Variants in STAT4 observed in about 807,000 individuals in gnomAD.
STAT4 encodes signal transducer and activator of transcription 4.
Under a neutral mutation model 110.5 loss-of-function variants are expected in STAT4, and 42 were observed. The observed-to-expected ratio is 0.38, with a 90% confidence interval of 0.30 to 0.49. The LOEUF (loss-of-function observed/expected upper bound fraction) is 0.49, where lower values mean the gene tolerates loss of function less well. Ranked by LOEUF, STAT4 falls within the 20% of genes least tolerant of loss-of-function variation. The pLI is 0.95. For synonymous variants in STAT4, 284 were observed against 302.2 expected, an observed-to-expected ratio of 0.94 and a Z score of 0.63; for missense variants, 632 against 887.9, an observed-to-expected ratio of 0.71 and a Z score of 3.66.
At chr2:191,070,358 T>C (rs972923991) in intron 5 of STAT4, among the ~76,000 whole-genome samples, 5 of 152,172 alleles carry the variant, frequency 3.3e-5, no homozygotes, top group African/African-American at 1.2e-4. Flanking sequence ...GGCTAAAGGC[T>C]TTTTTATATT....
In STAT4 at chr2:191,140,826, A is replaced by C. The variant is rs990602869; in HGVS notation, c.273+5787T>G. ...AGTACAATTCACAATTGCAAAGATA[A>C]GGAACCAACCTAAGTGTCCATCAAC... On this transcript the variant is annotated intron_variant, in intron 3 of 23. Coordinates refer to ENST00000392320, the MANE Select transcript of STAT4 (RefSeq NM_003151.4). The surrounding 1 kb of genome is among the most constrained non-coding windows in gnomAD (Gnocchi z 4.4). 2.0e-5 allele frequency among the ~76,000 whole-genome samples: 3 copies of C among 152,338 alleles called. No individual in the cohort carries two copies. Among genetic ancestry groups the C allele is most frequent in the African/African-American group, 7.2e-5 (3 of 41,590 alleles).
rs1407487217 is a variant in STAT4 at position 191,087,020 on chromosome 2, T to A, written c.274-10695A>T. On this transcript the variant is annotated intron_variant, in intron 3 of 23. Coordinates refer to ENST00000392320, the MANE Select transcript of STAT4 (RefSeq NM_003151.4). ...TATAGAGACTGATTGCTCTTGACATTCACCTTTGTTTTTCTTATGTTTCTA... is the reference window on the plus strand; with the variant it reads ...TATAGAGACTGATTGCTCTTGACATACACCTTTGTTTTTCTTATGTTTCTA... Among the ~76,000 whole-genome samples, 4 of 152,110 alleles carry A rather than the reference T, an allele frequency of 2.6e-5. 1 individual carries two copies. The highest frequency in any genetic ancestry group is 7.2e-5 in the African/African-American group (3 of 41,408).
At position 191,051,723 on chromosome 2, in the gene STAT4, CT is replaced by C. The variant is rs1250895305; in HGVS notation, c.1251+2766del. On this transcript the variant is annotated intron_variant, in intron 14 of 23. Transcript: ENST00000392320. The surrounding 1 kb of genome is among the most constrained non-coding windows in gnomAD (Gnocchi z 5.6). ...GCAGTAGGAGTGCCAACCAGCTCGCCTCTCCCAGGGAAGGTTCTGCGACCCA... is the reference window on the plus strand; with the variant it reads ...GCAGTAGGAGTGCCAACCAGCTCGCCCTCCCAGGGAAGGTTCTGCGACCCA... Among the ~76,000 whole-genome samples, 1 of 152,152 alleles carries C rather than the reference CT, an allele frequency of 6.6e-6. No individual in the cohort carries two copies. The highest frequency in any genetic ancestry group is 1.9e-4 in the East Asian group (1 of 5,196).
intron 1 of STAT4, among the ~76,000 whole-genome samples, chr2:191,149,062 A>G (rs769446305): frequency 6.6e-6 from 1 of 152,218 alleles, no homozygotes; most frequent in Non-Finnish European, 1.5e-5. Flanking sequence ...TTCCTAACTC[A>G]GGAAAATTAG....
chr2:191,060,501 C>T lies in STAT4; in HGVS notation c.1034+1228G>A, dbSNP rs191664434. On this transcript the variant is annotated intron_variant, in intron 10 of 23. Transcript: ENST00000392320. This position sits in a 1 kb window ranked among gnomAD's most constrained non-coding sequence, Gnocchi z 4.5. Reference sequence around the variant, plus strand: ...TGGCGTGAGTGCAGTGTACTGCAACCTCTACCTACTGGGTTCAAGCGATTC... The same window carrying T: ...TGGCGTGAGTGCAGTGTACTGCAACTTCTACCTACTGGGTTCAAGCGATTC... Among the ~76,000 whole-genome samples, 2 of 152,338 alleles carry T rather than the reference C, an allele frequency of 1.3e-5. No homozygotes were observed. The highest frequency in any genetic ancestry group is 1.5e-5 in the Non-Finnish European group (1 of 68,026).
intron 1 of STAT4, among the ~76,000 whole-genome samples, chr2:191,149,924 G>C (rs550195358): frequency 1.6e-4 from 24 of 152,196 alleles, no homozygotes; most frequent in Non-Finnish European, 3.1e-4. Context: ...ATAAGTTCTA[G>C]TGCTGTAACA....
rs1431693151 is a variant in STAT4, at chr2:191,090,449, G to T, written c.274-14124C>A. On this transcript the variant is annotated intron_variant, in intron 3 of 23. Coordinates refer to ENST00000392320, the MANE Select transcript of STAT4 (RefSeq NM_003151.4). This position sits in a 1 kb window ranked among gnomAD's most constrained non-coding sequence, Gnocchi z 4.2. ...CTGTTGATGGATCTAAATTAACAATGCTCTGTTATTATTTATAATAATAAT... is the reference window on the plus strand; with the variant it reads ...CTGTTGATGGATCTAAATTAACAATTCTCTGTTATTATTTATAATAATAAT... 6.8e-6 allele frequency among the ~76,000 whole-genome samples: 1 copy of T among 146,818 alleles called. No individual in the cohort carries two copies. The highest frequency in any genetic ancestry group is 2.5e-5 in the African/African-American group (1 of 40,672).
At chr2:191,089,470 A>T (rs1697734006) in intron 3 of STAT4, among the ~76,000 whole-genome samples, 1 of 152,232 alleles carries the variant, frequency 6.6e-6, no homozygotes. Flanking sequence ...AGTGAAAAAT[A>T]ATACAGCCAT....
rs147156690 is a variant in STAT4 at position 191,043,257 on chromosome 2, G to A, written c.1252-2109C>T. Among the ~76,000 whole-genome samples, 421 of 151,854 alleles carry A rather than the reference G, an allele frequency of 2.8e-3. 7 individuals are homozygous for A. Among genetic ancestry groups the A allele is most frequent in the Admixed American group, 0.023 (354 of 15,252 alleles). ...AAATAGACAAGTCAGTAAAAAGATT[G>A]GACATAAAGTAGAGGAAATTTCCCA... On this transcript the variant is annotated intron_variant, in intron 14 of 23. Transcript: ENST00000392320. The surrounding 1 kb of genome is among the most constrained non-coding windows in gnomAD (Gnocchi z 4.8).
chr2:191,137,057 A>G (rs1699199759), intron 3 of STAT4, among the ~76,000 whole-genome samples: 1 of 152,096 alleles, frequency 6.6e-6, no homozygotes, highest in Non-Finnish European at 1.5e-5. Flanking sequence ...AAAATTGAAG[A>G]GGGCCAGGTG....
chr2:191,056,783 T>A (rs1021085631), intron 13 of STAT4, among the ~76,000 whole-genome samples: 122 of 146,748 alleles, frequency 8.3e-4, no homozygotes, highest in African/African-American at 2.9e-3. Context: ...TACACTATTT[T>A]TTTTTTTTTT....
chr2:191,075,907 A>C lies in STAT4; in HGVS notation c.372+320T>G, dbSNP rs555871289. The C allele has an allele frequency of 2.6e-5, 5 of 193,606 alleles. No homozygotes were observed. In the Admixed American group the frequency reaches 3.1e-4, roughly 12 times the overall value. The allele number at this position is 193,606 out of a possible 1,614,324, so 12.0% of individuals were successfully genotyped here. ...CTTTCTGTCACCCAGGTTGGAGTAC[A>C]TGGTGTGAACATAGCTCACTGCAAC... On this transcript the variant is annotated intron_variant, in intron 4 of 23. Transcript: ENST00000392320.
chr2:191,030,000 A>G lies in STAT4; in HGVS notation c.2221-134T>C. On this transcript the variant is annotated intron_variant, in intron 23 of 23. Coordinates refer to ENST00000392320, the MANE Select transcript of STAT4 (RefSeq NM_003151.4). The surrounding 1 kb of genome is among the most constrained non-coding windows in gnomAD (Gnocchi z 4.5). ...TTCTATTACCTAGTTAAAATACTTA[A>G]ACTAAGTATTTGCAAAAGTAATTGG... is the stretch of plus-strand genomic sequence containing the variant. The G allele has an allele frequency of 2.8e-6, 2 of 711,186 alleles. No individual in the cohort carries two copies. The highest frequency in any genetic ancestry group is 4.7e-6 in the Non-Finnish European group (2 of 423,808). 44.1% of individuals were successfully genotyped at this position (711,186 alleles called of 1,614,324 possible).
Position 191,064,886 on chromosome 2 carries a change from G to A in STAT4, c.703C>T (p.Leu235=), listed in dbSNP as rs1316240376. ...LLMNTMLIEE[L]QDWKRRQQIA... Reference sequence around the variant, plus strand: ...TGCTGCCGCCGCTTCCAGTCTTGCAGCTCTTCTATGAGCATGGTGTTCATT... The same window carrying A: ...TGCTGCCGCCGCTTCCAGTCTTGCAACTCTTCTATGAGCATGGTGTTCATT... Residue 235 remains leucine, a synonymous_variant, in exon 8 of 24, where the codon CTG becomes TTG. Coordinates refer to ENST00000392320, the MANE Select transcript of STAT4 (RefSeq NM_003151.4). 4.3e-6 allele frequency: 7 copies of A among 1,613,226 alleles called. No individual in the cohort carries two copies. The highest frequency in any genetic ancestry group is 1.7e-5 in the Admixed American group (1 of 59,908).
At chr2:191,127,350 T>C (rs1324382015) in intron 3 of STAT4, among the ~76,000 whole-genome samples, 2 of 152,236 alleles carry the variant, frequency 1.3e-5, no homozygotes, top group African/African-American at 2.4e-5. Context: ...CATGTTGTCA[T>C]GTTCTTGCTC....
At chr2:191,136,402 G>A (rs1353804373) in intron 3 of STAT4, among the ~76,000 whole-genome samples, 1 of 152,202 alleles carries the variant, frequency 6.6e-6, no homozygotes, top group Non-Finnish European at 1.5e-5. Flanking sequence ...CATAGCCAGA[G>A]CTATTAAGCC....
intron 3 of STAT4, among the ~76,000 whole-genome samples, chr2:191,100,784 T>G (rs1698130525): frequency 6.6e-6 from 1 of 151,150 alleles, no homozygotes; most frequent in Admixed American, 6.6e-5. Flanking sequence ...CATATAAATT[T>G]TTATATTCAT....
intron 3 of STAT4, among the ~76,000 whole-genome samples, chr2:191,106,999 T>C (rs1698301755): frequency 6.6e-6 from 1 of 152,312 alleles, no homozygotes; most frequent in African/African-American, 2.4e-5. Context: ...GTGATACATT[T>C]GGATTGTCAG....
At chr2:191,119,431 T>G (rs959641718) in intron 3 of STAT4, among the ~76,000 whole-genome samples, 2 of 152,188 alleles carry the variant, frequency 1.3e-5, no homozygotes, top group Non-Finnish European at 2.9e-5. Flanking sequence ...GGAAAAGGAA[T>G]GCCCATTTCC....
Sources: gnomAD v4.1 joint callset for allele counts (sites outside exome capture counted in the v4.1 genomes callset) on GRCh38, gnomAD v4.1.1 for gene constraint, Gnocchi (gnomAD v3.1) non-coding constraint, MANE v1.5 for transcripts, NCBI Gene and HGNC (gene_info 2026-07-23, HGNC 2026-07-21) for gene names.